The following ASL variants were observed in gnomAD, a reference collection of about 807,000 sequenced individuals.
ASL encodes the protein argininosuccinate lyase.
In ASL, 51 loss-of-function variants were observed where a neutral mutation model predicts 69.1. That is an observed-to-expected ratio of 0.74 (90% CI 0.59 to 0.93). ASL has a LOEUF of 0.93. Ranked by LOEUF, ASL falls within the 40% of genes least tolerant of loss-of-function variation. The pLI, the probability that ASL is intolerant of heterozygous loss-of-function variation, is 0.00. For synonymous variants in ASL, 241 were observed against 247.6 expected, an observed-to-expected ratio of 0.97 and a Z score of 0.25; for missense variants, 540 against 623.9, an observed-to-expected ratio of 0.87 and a Z score of 1.43.
intron 9 of ASL, 99 bp downstream of exon 9, chr7:66,087,485 C>A: frequency 7.0e-7 from 1 of 1,420,612 alleles, no homozygotes; most frequent in East Asian, 2.4e-5. Context: ...CCTGTGGCTC[C>A]TGGTGAAACC....
At chr7:66,084,870 C>T (rs1199169544) in intron 6 of ASL, among the ~76,000 whole-genome samples, 2 of 152,140 alleles carry the variant, frequency 1.3e-5, no homozygotes, top group Non-Finnish European at 1.5e-5. Flanking sequence ...CCACCCACCT[C>T]GGACTCTCAA....
At chr7:66,086,546 T>G in intron 6 of ASL, 39 bp from the exon 7 acceptor site, 21 of 1,608,196 alleles carry the variant, frequency 1.3e-5, no homozygotes, top group Non-Finnish European at 1.7e-5. Flanking sequence ...AGGCCTTGCA[T>G]GAGCCTCCAC....
At chr7:66,083,738 G>A (rs6967430) in intron 6 of ASL, among the ~76,000 whole-genome samples, 4,885 of 151,870 alleles carry the variant, frequency 0.032, 108 homozygotes, top group Non-Finnish European at 0.049. Context: ...TTGAAGGCAG[G>A]AAGCTAAGCC....
At chr7:66,083,608 C>T (rs1012768088) in intron 6 of ASL, among the ~76,000 whole-genome samples, 6 of 151,466 alleles carry the variant, frequency 4.0e-5, no homozygotes, top group Non-Finnish European at 4.4e-5. Flanking sequence ...TGCTTGAACC[C>T]GGGAGGAGGA....
At position 66,076,102 on chromosome 7, in the gene ASL, G is replaced by T; in HGVS notation, c.12+9G>T. The stretch of plus-strand genomic sequence containing the variant: ...CCAACATGGCCTCGGAGGTGAGTGG[G>T]ACCTCGGGGACTCCGGTCCTCCTAG... On this transcript the variant is annotated intron_variant, in intron 2 of 16. Coordinates refer to ENST00000304874, the MANE Select transcript of ASL (RefSeq NM_000048.4). 1 of 1,595,290 alleles carries T rather than the reference G, an allele frequency of 6.3e-7. No individual in the cohort carries two copies. Among genetic ancestry groups the T allele is most frequent in the Non-Finnish European group, 8.5e-7 (1 of 1,171,636 alleles).
At position 66,092,942 on chromosome 7, in the gene ASL, G is replaced by C. The variant is rs748887488; in HGVS notation, c.*30G>C. On this transcript the variant is annotated 3_prime_UTR_variant, in exon 17 of 17. Coordinates refer to ENST00000304874, the MANE Select transcript of ASL (RefSeq NM_000048.4). ...TCCCACACCTGCCCCCTAATAAAGTGGGCGCGAGAGGAGGCTGCTGTGTGT... is the reference window on the plus strand; with the variant it reads ...TCCCACACCTGCCCCCTAATAAAGTCGGCGCGAGAGGAGGCTGCTGTGTGT... 2.5e-6 allele frequency: 4 copies of C among 1,586,350 alleles called. No homozygotes were observed. The highest frequency in any genetic ancestry group is 3.4e-6 in the Non-Finnish European group (4 of 1,173,448).
In ASL at chr7:66,076,935, A is replaced by G. The variant is rs1159585487; in HGVS notation, c.12+842A>G. Among the ~76,000 whole-genome samples, 3 of 152,234 alleles carry G rather than the reference A, an allele frequency of 2.0e-5. No homozygotes were observed. In the East Asian group the frequency reaches 5.8e-4, roughly 29 times the overall value. ...CACTTCCTCTTTCTCAATGCCCTGC[A>G]AGCTCAGTGCCCTGCAAGCTTCTGG... On this transcript the variant is annotated intron_variant, in intron 2 of 16. Coordinates refer to ENST00000304874, the MANE Select transcript of ASL (RefSeq NM_000048.4).
intron 6 of ASL, among the ~76,000 whole-genome samples, chr7:66,084,300 C>T (rs1243396636): frequency 6.6e-6 from 1 of 151,628 alleles, no homozygotes; most frequent in Non-Finnish European, 1.5e-5. Flanking sequence ...GCTGAGATTA[C>T]AGGTGTGCAC....
At chr7:66,088,053 A>G (rs1786721861) in intron 10 of ASL, among the ~76,000 whole-genome samples, 1 of 151,752 alleles carries the variant, frequency 6.6e-6, no homozygotes, top group South Asian at 2.1e-4. Flanking sequence ...AATCCCAGCT[A>G]CTCAGGAGTT....
rs189831387 is a variant in ASL, at chr7:66,090,927, G to A, written c.1063-1079G>A. Reference sequence around the variant, plus strand: ...AGCCTGGCCAACATGGCGAAACCCCGTCTTTACTAAAAATATAAAAATTAG... The same window carrying A: ...AGCCTGGCCAACATGGCGAAACCCCATCTTTACTAAAAATATAAAAATTAG... On this transcript the variant is annotated intron_variant, in intron 14 of 16. Coordinates refer to ENST00000304874, the MANE Select transcript of ASL (RefSeq NM_000048.4). 2.4e-3 allele frequency among the ~76,000 whole-genome samples: 360 copies of A among 151,932 alleles called. 2 individuals are homozygous for A. Among genetic ancestry groups the A allele is most frequent in the African/African-American group, 8.2e-3 (341 of 41,460 alleles).
chr7:66,079,000 C>G (rs1786427823), intron 2 of ASL, among the ~76,000 whole-genome samples: 1 of 152,164 alleles, frequency 6.6e-6, no homozygotes, highest in African/African-American at 2.4e-5. Flanking sequence ...AGCTCCGCCT[C>G]CCGGGTTCAC....
In ASL at chr7:66,083,347, C is replaced by T. The variant is rs575793107; in HGVS notation, c.446+173C>T. On this transcript the variant is annotated intron_variant, in intron 6 of 16. Coordinates refer to ENST00000304874, the MANE Select transcript of ASL (RefSeq NM_000048.4). ...CAGGAGTGGGCCATTTCCTGCAGGC[C>T]CCAATACTCCCATGCCAGTCTAGCT... is the stretch of plus-strand genomic sequence containing the variant. 1.1e-5 allele frequency: 7 copies of T among 634,446 alleles called. No homozygotes were observed. In the East Asian group the frequency reaches 2.1e-4, roughly 19 times the overall value. The allele number at this position is 634,446 out of a possible 1,614,324, so 39.3% of individuals were successfully genotyped here. A position where few individuals can be genotyped will look rare whatever the true frequency, so the allele number is the denominator to read the frequency against.
intron 6 of ASL, among the ~76,000 whole-genome samples, chr7:66,084,729 C>T (rs1045593802): frequency 1.3e-5 from 2 of 152,004 alleles, no homozygotes; most frequent in African/African-American, 4.8e-5. Flanking sequence ...ACGCCATTCT[C>T]CTGCCTCAGC....
intron 2 of ASL, among the ~76,000 whole-genome samples, chr7:66,077,882 G>C (rs930207220): frequency 6.6e-6 from 1 of 152,184 alleles, no homozygotes; most frequent in Non-Finnish European, 1.5e-5. Context: ...TCCTGGCTTG[G>C]AGTAGCACCT....
At position 66,089,381 on chromosome 7, in the gene ASL, G is replaced by A; in HGVS notation, c.978+46G>A. ...TGGCTAGTACGTGCCAGTTCTCAGG[G>A]CTCTGGCACACTCAGGCAGGGCCCC... On this transcript the variant is annotated intron_variant, in intron 13 of 16. Coordinates refer to ENST00000304874, the MANE Select transcript of ASL (RefSeq NM_000048.4). 10 of 1,567,496 alleles carry A rather than the reference G, an allele frequency of 6.4e-6. No homozygotes were observed. The South Asian group carries it at 9.3e-5, about 15-fold the overall frequency.
rs1385869802 is a variant in ASL, at chr7:66,093,402, G to A, written c.*490G>A. The stretch of plus-strand genomic sequence containing the variant: ...AGTCGTAGACGGGAAGGGAAGAGGG[G>A]GCTCCCATCATAGCCTCTGCTCTGT... On this transcript the variant is annotated 3_prime_UTR_variant, in exon 17 of 17. Transcript: ENST00000304874. 3.7e-6 allele frequency: 1 copy of A among 268,058 alleles called. No individual in the cohort carries two copies. The highest frequency in any genetic ancestry group is 2.2e-5 in the African/African-American group (1 of 45,168). The allele number at this position is 268,058 out of a possible 1,614,324, so 16.6% of individuals were successfully genotyped here. A position where few individuals can be genotyped will look rare whatever the true frequency, so the allele number is the denominator to read the frequency against.
At chr7:66,079,805 A>G (rs913824685) in intron 2 of ASL, among the ~76,000 whole-genome samples, 1 of 152,042 alleles carries the variant, frequency 6.6e-6, no homozygotes. Flanking sequence ...TTTTTAGTAG[A>G]GACCAGGTTT....
At chr7:66,088,762 G>T in intron 10 of ASL, 45 bp from the exon 11 acceptor site, 1 of 1,536,316 alleles carries the variant, frequency 6.5e-7, no homozygotes, top group Non-Finnish European at 9.0e-7. Context: ...GGTCAGGCTG[G>T]GTGGGGATGG....
chr7:66,086,163 T>C (rs1562740077), intron 6 of ASL, among the ~76,000 whole-genome samples: 1 of 152,160 alleles, frequency 6.6e-6, no homozygotes, highest in South Asian at 2.1e-4. Context: ...CCCTGCCTAC[T>C]TGAATGAGGT....
Sources: gnomAD v4.1 joint callset for allele counts (sites outside exome capture counted in the v4.1 genomes callset) on GRCh38, gnomAD v4.1.1 for gene constraint, MANE v1.5 for transcripts, NCBI Gene and HGNC (gene_info 2026-07-23, HGNC 2026-07-21) for gene names.